Variants in SEC23IP observed in about 807,000 individuals in gnomAD.
SEC23IP encodes the protein SEC23-interacting protein.
In SEC23IP, 70 loss-of-function variants were observed where a neutral mutation model predicts 113.4. The observed-to-expected ratio is 0.62, with a 90% CI of 0.51 to 0.75. SEC23IP has a LOEUF of 0.75. SEC23IP is among the 30% of genes least tolerant of loss of function. The probability of loss-of-function intolerance (pLI) is 0.00; values close to 1 mark genes in which losing one functional copy is unlikely to be tolerated. For synonymous variants in SEC23IP, 398 were observed against 421.0 expected, an observed-to-expected ratio of 0.95 and a Z score of 0.67; for missense variants, 1,160 against 1,204.9, an observed-to-expected ratio of 0.96 and a Z score of 0.55.
At position 119,909,162 on chromosome 10, in the gene SEC23IP, A is replaced by C. The variant is rs201320269; in HGVS notation, c.1191+32A>C. On this transcript the variant is annotated intron_variant, in intron 5 of 18. Transcript: ENST00000369075. ...ATGGTGTTCAAAATTTTAAGGTATT[A>C]AGTTCATTTTAATATTTTTCTGTGT... The C allele has an allele frequency of 7.1e-6, 10 of 1,402,942 alleles. No homozygotes were observed. In the Admixed American group the frequency reaches 1.4e-4, roughly 19 times the overall value. 86.9% of individuals were successfully genotyped at this position (1,402,942 alleles called of 1,614,324 possible). A position where few individuals can be genotyped will look rare whatever the true frequency, so the allele number is the denominator to read the frequency against.
chr10:119,916,676 T>C (rs1855063219), intron 8 of SEC23IP, among the ~76,000 whole-genome samples: 1 of 152,196 alleles, frequency 6.6e-6, no homozygotes, highest in Non-Finnish European at 1.5e-5. Context: ...CTGTTTGATA[T>C]TCTCTTTAGT....
intron 2 of SEC23IP, among the ~76,000 whole-genome samples, chr10:119,900,960 A>C (rs1854472277): frequency 6.7e-6 from 1 of 150,258 alleles, no homozygotes; most frequent in African/African-American, 2.5e-5. Context: ...TTTTTGTGTG[A>C]ACATACTTTA....
Position 119,933,129 on chromosome 10 carries a change from T to C in SEC23IP, c.2883T>C (p.Asn961=). 6.2e-7 allele frequency: 1 copy of C among 1,614,140 alleles called. No homozygotes were observed. The highest frequency in any genetic ancestry group is 8.5e-7 in the Non-Finnish European group (1 of 1,179,984). ...AAGAAAAACCAATAGAGAGTTTTAATGAATACCTTTTCGCTCTTCAGAGTC... is the reference window on the plus strand; with the variant it reads ...AAGAAAAACCAATAGAGAGTTTTAACGAATACCTTTTCGCTCTTCAGAGTC... ...VLQEKPIESF[N]EYLFALQSHL... The change falls in exon 17 of 19, where the codon AAT becomes AAC. Residue 961 remains asparagine (N), a synonymous_variant. Coordinates refer to ENST00000369075, the MANE Select transcript of SEC23IP (RefSeq NM_007190.4).
intron 13 of SEC23IP, among the ~76,000 whole-genome samples, chr10:119,927,769 A>G (rs1440912118): frequency 6.6e-6 from 1 of 152,226 alleles, no homozygotes; most frequent in Non-Finnish European, 1.5e-5. Flanking sequence ...ACATGTAGGC[A>G]ATTTCTACTT....
At chr10:119,914,703 T>C in intron 6 of SEC23IP, 27 bp from the exon 7 acceptor site, 5 of 1,577,974 alleles carry the variant, frequency 3.2e-6, no homozygotes, top group Non-Finnish European at 1.7e-6. Context: ...CCATCTTTTA[T>C]GTAGGTTTAA....
intron 12 of SEC23IP, among the ~76,000 whole-genome samples, chr10:119,925,728 A>G (rs1345367147): frequency 6.6e-6 from 1 of 151,758 alleles, no homozygotes; most frequent in Non-Finnish European, 1.5e-5. Flanking sequence ...TTTTCTAGAG[A>G]TGGAGGTCTC....
chr10:119,911,800 T>C (rs1417236360), intron 5 of SEC23IP, among the ~76,000 whole-genome samples: 4 of 152,128 alleles, frequency 2.6e-5, no homozygotes, highest in Non-Finnish European at 4.4e-5. Flanking sequence ...TAAATCAAGG[T>C]GTAATACTTC....
At chr10:119,931,446 C>G (rs1046859670) in intron 15 of SEC23IP, among the ~76,000 whole-genome samples, 1 of 151,490 alleles carries the variant, frequency 6.6e-6, no homozygotes, top group Admixed American at 6.6e-5. Flanking sequence ...ATGATTCTCT[C>G]TTCTTGACCT....
intron 2 of SEC23IP, among the ~76,000 whole-genome samples, chr10:119,901,218 G>C (rs957590113): frequency 6.6e-6 from 1 of 151,852 alleles, no homozygotes; most frequent in Non-Finnish European, 1.5e-5. Flanking sequence ...TGTTGCTCAT[G>C]TTGGGCTCAA....
intron 18 of SEC23IP, among the ~76,000 whole-genome samples, chr10:119,935,841 A>G (rs992536817): frequency 3.3e-5 from 5 of 152,200 alleles, no homozygotes; most frequent in Non-Finnish European, 7.3e-5. Context: ...GGGTAAAGTA[A>G]AGTGTCATTT....
intron 18 of SEC23IP, among the ~76,000 whole-genome samples, chr10:119,937,244 A>AT (rs1292220525): frequency 2.0e-5 from 3 of 151,954 alleles, no homozygotes; most frequent in Admixed American, 6.6e-5. Flanking sequence ...CATTATAAGT[A>AT]TTTTTTCCCA....
chr10:119,893,396 G>T (rs1218241214), intron 1 of SEC23IP, among the ~76,000 whole-genome samples: 2 of 151,698 alleles, frequency 1.3e-5, no homozygotes, highest in Admixed American at 6.6e-5. Context: ...CTAGGAGATT[G>T]TTGTGATACA....
At chr10:119,902,748 C>T in intron 2 of SEC23IP, 51 bp from the exon 3 acceptor site, 1 of 1,455,396 alleles carries the variant, frequency 6.9e-7, no homozygotes, top group Middle Eastern at 2.1e-4. Flanking sequence ...GAAGCATATT[C>T]AGAATTCTTT....
At chr10:119,908,255 A>G (rs1386868319) in intron 4 of SEC23IP, among the ~76,000 whole-genome samples, 1 of 152,062 alleles carries the variant, frequency 6.6e-6, no homozygotes, top group Non-Finnish European at 1.5e-5. Context: ...TCCAGCCCAC[A>G]TGAAAAAAAA....
chr10:119,898,040 G>A (rs1239698971), intron 1 of SEC23IP, among the ~76,000 whole-genome samples: 1 of 151,142 alleles, frequency 6.6e-6, no homozygotes, highest in Non-Finnish European at 1.5e-5. Context: ...AATAAAAATA[G>A]TAAGTATAGA....
At chr10:119,922,259 G>T (rs994432675) in intron 12 of SEC23IP, among the ~76,000 whole-genome samples, 1 of 152,144 alleles carries the variant, frequency 6.6e-6, no homozygotes, top group African/African-American at 2.4e-5. Flanking sequence ...AGGGGAGATG[G>T]CCTTCTGGAA....
At position 119,920,931 on chromosome 10, in the gene SEC23IP, C is replaced by A. The variant is rs1855233459; in HGVS notation, c.2068C>A (p.Leu690Ile). 6.2e-7 allele frequency: 1 copy of A among 1,613,798 alleles called. No individual in the cohort carries two copies. Among genetic ancestry groups the A allele is most frequent in the Admixed American group, 1.7e-5 (1 of 60,016 alleles). ...TGACCTGAAGGAAATGGGGATACCC[C>A]TTGGACCCAGAAAGAAGATAGCTAA... ...VDDLKEMGIP[L>I]GPRKKIANFV... Residue 690 changes from leucine to isoleucine, a missense_variant, in exon 12 of 19, where the codon CTT becomes ATT. Leu to Ile is a conservative substitution (Grantham distance 5). Coordinates refer to ENST00000369075, the MANE Select transcript of SEC23IP (RefSeq NM_007190.4).
rs538074703 is a variant in SEC23IP at position 119,936,401 on chromosome 10, A to G, written c.*20+2614A>G. 3.9e-5 allele frequency among the ~76,000 whole-genome samples: 6 copies of G among 152,016 alleles called. No individual in the cohort carries two copies. The East Asian group carries it at 1.2e-3, about 29-fold the overall frequency. On this transcript the variant is annotated intron_variant, in intron 18 of 18. Transcript: ENST00000369075. ...GTGAAACCCCGTCTCTACTAAAAATACAGAAAAATTAGCAGGGTGTGATCT... is the reference window on the plus strand; with the variant it reads ...GTGAAACCCCGTCTCTACTAAAAATGCAGAAAAATTAGCAGGGTGTGATCT...
Position 119,933,670 on chromosome 10 carries a change from C to A in SEC23IP, c.2922-16C>A. On this transcript the variant is annotated splice_polypyrimidine_tract_variant and intron_variant, in intron 17 of 18. Coordinates refer to ENST00000369075, the MANE Select transcript of SEC23IP (RefSeq NM_007190.4). Reference sequence around the variant, plus strand: ...TCTAATTGTCTCTTAAGTAAATATGCTTTTCCTTTTCATAGGGAATCTGAA... The same window carrying A: ...TCTAATTGTCTCTTAAGTAAATATGATTTTCCTTTTCATAGGGAATCTGAA... The A allele has an allele frequency of 7.2e-7, 1 of 1,387,176 alleles. No homozygotes were observed. Among genetic ancestry groups the A allele is most frequent in the Non-Finnish European group, 1.0e-6 (1 of 975,660 alleles). 85.9% of individuals were successfully genotyped at this position (1,387,176 alleles called of 1,614,324 possible). A position where few individuals can be genotyped will look rare whatever the true frequency, so the allele number is the denominator to read the frequency against.
Sources: gnomAD v4.1 joint callset for allele counts (sites outside exome capture counted in the v4.1 genomes callset) on GRCh38, gnomAD v4.1.1 for gene constraint, MANE v1.5 for transcripts, NCBI Gene and HGNC (gene_info 2026-07-23, HGNC 2026-07-21) for gene names.